THSD4: variants seen among roughly 807,000 people sequenced by gnomAD.
THSD4 encodes thrombospondin type-1 domain-containing protein 4.
THSD4 carries 69 observed loss-of-function variants against 119.0 expected under a neutral mutation model. That is an observed-to-expected ratio of 0.58 (90% CI 0.48 to 0.71). The LOEUF (loss-of-function observed/expected upper bound fraction) is 0.71. Among genes scored for constraint, THSD4 ranks in the 30% least tolerant of loss-of-function variants. The pLI is 0.00. For synonymous variants in THSD4, 524 were observed against 540.4 expected (o/e 0.97, Z 0.42); for missense variants, 1,393 against 1,391.1 (o/e 1.00, Z -0.02).
chr15:71,745,217 T>C lies in THSD4; in HGVS notation c.2018T>C (p.Ile673Thr). The change falls in exon 12 of 18, where the codon ATC becomes ACC. Residue 673 changes from isoleucine (I) to threonine (T), a missense_variant. By Grantham distance (89) the Ile-to-Thr change is moderately conservative (BLOSUM62 -1). Transcript: ENST00000261862. ...ACCCCCGAGGAGGAGCCCTGCAACA[T>C]CTTCCCTTGCCCAGCCTTGTAAGAA... The part of the protein sequence containing the change: ...KPTPEEEPCN[I>T]FPCPAFWDIG... 2 of 1,613,894 alleles carry C rather than the reference T, an allele frequency of 1.2e-6. No homozygotes were observed. Among genetic ancestry groups the C allele is most frequent in the South Asian group, 2.2e-5 (2 of 91,046 alleles).
chr15:71,316,283 T>C (rs1409832328), intron 6 of THSD4, among the ~76,000 whole-genome samples: 6 of 152,192 alleles, frequency 3.9e-5, no homozygotes, highest in African/African-American at 1.4e-4. Context: ...TGACTTCAAA[T>C]TAAGTACATC....
At chr15:71,487,867 T>C (rs1424565870) in intron 7 of THSD4, among the ~76,000 whole-genome samples, 3 of 152,180 alleles carry the variant, frequency 2.0e-5, no homozygotes, top group Non-Finnish European at 2.9e-5. Flanking sequence ...TAATTTTATA[T>C]ACTTTATCTT....
intron 6 of THSD4, among the ~76,000 whole-genome samples, chr15:71,374,442 A>G (rs1185894151): frequency 1.4e-4 from 21 of 152,216 alleles, no homozygotes; most frequent in Non-Finnish European, 1.5e-5. Flanking sequence ...AGCTAACCAC[A>G]TGCTATATAT....
chr15:71,153,843 A>C (rs1052568059), intron 2 of THSD4, among the ~76,000 whole-genome samples: 1 of 152,228 alleles, frequency 6.6e-6, no homozygotes, highest in East Asian at 1.9e-4. Context: ...GGGATGCTTA[A>C]AATAATGACA....
chr15:71,437,751 T>C (rs902198275), intron 7 of THSD4, among the ~76,000 whole-genome samples: 4 of 152,176 alleles, frequency 2.6e-5, no homozygotes, highest in African/African-American at 9.7e-5. Context: ...CAAGAATTCA[T>C]ATGTATTTGT....
rs182298403 is a variant in THSD4, at chr15:71,639,865, A to C, written c.1153-20665A>C. The stretch of plus-strand genomic sequence containing the variant: ...AAAAAAAAAAAGAAAAGAAAAGAAA[A>C]GCCAAGCCAGAAAAATATGTTACTC... On this transcript the variant is annotated intron_variant, in intron 7 of 17. Coordinates refer to ENST00000261862, the MANE Select transcript of THSD4 (RefSeq NM_024817.3). Among the ~76,000 whole-genome samples the C allele has an allele frequency of 9.9e-4, 150 of 152,040 alleles. 1 individual carries two copies. Among genetic ancestry groups the C allele is most frequent in the Non-Finnish European group, 1.6e-3 (109 of 67,962 alleles).
At chr15:71,290,478 T>A (rs1356327523) in intron 6 of THSD4, among the ~76,000 whole-genome samples, 2 of 152,208 alleles carry the variant, frequency 1.3e-5, no homozygotes, top group Non-Finnish European at 2.9e-5. Context: ...GATCTCCACA[T>A]CTATCAACGG....
At chr15:71,592,320 G>T (rs934474098) in intron 7 of THSD4, among the ~76,000 whole-genome samples, 5 of 152,216 alleles carry the variant, frequency 3.3e-5, no homozygotes, top group African/African-American at 1.2e-4. Context: ...ATGGGCAGGA[G>T]CTGCAGGACG....
chr15:71,151,950 C>G (rs1032966373), intron 2 of THSD4, among the ~76,000 whole-genome samples: 6 of 152,200 alleles, frequency 3.9e-5, no homozygotes, highest in Admixed American at 3.9e-4. Flanking sequence ...TGTATCTGCA[C>G]TGGACAGTAC....
chr15:71,384,752 T>G (rs1450333172), intron 6 of THSD4, among the ~76,000 whole-genome samples: 1 of 152,202 alleles, frequency 6.6e-6, no homozygotes, highest in Non-Finnish European at 1.5e-5. Context: ...ACCATCCACA[T>G]AACGGCATTG....
At chr15:71,146,116 A>G (rs1327100094) in intron 2 of THSD4, among the ~76,000 whole-genome samples, 1 of 152,224 alleles carries the variant, frequency 6.6e-6, no homozygotes, top group Non-Finnish European at 1.5e-5. Flanking sequence ...CTAGTTAATT[A>G]CAAAAGTAGG....
chr15:71,746,274 G>GT (rs2053334604), intron 12 of THSD4, among the ~76,000 whole-genome samples: 1 of 151,976 alleles, frequency 6.6e-6, no homozygotes, highest in Non-Finnish European at 1.5e-5. Context: ...TACGTTTTCA[G>GT]TTTTCTATAA....
intron 6 of THSD4, among the ~76,000 whole-genome samples, chr15:71,275,268 C>A (rs1200885745): frequency 6.6e-6 from 1 of 152,130 alleles, no homozygotes; most frequent in Non-Finnish European, 1.5e-5. Context: ...CAAGCCATGA[C>A]TGATTCATTT....
At chr15:71,543,111 G>C (rs145625995) in intron 7 of THSD4, among the ~76,000 whole-genome samples, 3 of 152,200 alleles carry the variant, frequency 2.0e-5, no homozygotes, top group Non-Finnish European at 4.4e-5. Flanking sequence ...TGAGTCTGTA[G>C]TTTAGTTAAT....
intron 7 of THSD4, among the ~76,000 whole-genome samples, chr15:71,570,850 G>T (rs1392904540): frequency 6.6e-6 from 1 of 152,176 alleles, no homozygotes; most frequent in Non-Finnish European, 1.5e-5. Flanking sequence ...AGCTGTGACA[G>T]CCTGTTCATC....
intron 7 of THSD4, among the ~76,000 whole-genome samples, chr15:71,442,209 C>T (rs1251813612): frequency 6.6e-6 from 1 of 151,798 alleles, no homozygotes; most frequent in East Asian, 2.0e-4. Context: ...CCACCCACCT[C>T]AGCCTCCCAA....
At chr15:71,354,773 T>A (rs1391571798) in intron 6 of THSD4, among the ~76,000 whole-genome samples, 1 of 152,224 alleles carries the variant, frequency 6.6e-6, no homozygotes, top group Admixed American at 6.5e-5. Flanking sequence ...TTATCCTAAA[T>A]TTCCTAATCC....
chr15:71,650,170 A>G (rs961636764), intron 7 of THSD4, among the ~76,000 whole-genome samples: 13 of 152,164 alleles, frequency 8.5e-5, no homozygotes, highest in African/African-American at 3.1e-4. Context: ...ATAAAGTTTT[A>G]TTAGAACATA....
intron 1 of THSD4, among the ~76,000 whole-genome samples, chr15:71,097,725 T>C (rs2040236964): frequency 7.6e-6 from 1 of 132,426 alleles, no homozygotes; most frequent in Non-Finnish European, 1.6e-5. Context: ...TATATATATA[T>C]ATATTTTTTT....
Sources: gnomAD v4.1 joint callset for allele counts (sites outside exome capture counted in the v4.1 genomes callset) on GRCh38, gnomAD v4.1.1 for gene constraint, MANE v1.5 for transcripts, NCBI Gene and HGNC (gene_info 2026-07-23, HGNC 2026-07-21) for gene names.